Variants in PHTF2 observed in about 807,000 individuals in gnomAD.
PHTF2 encodes the protein protein PHTF2.
PHTF2 carries 60 observed loss-of-function variants against 101.2 expected under a neutral mutation model. That is an observed-to-expected ratio of 0.59 (90% confidence interval 0.48 to 0.73). PHTF2 has a LOEUF of 0.73. Among genes scored for constraint, PHTF2 ranks in the 30% least tolerant of loss-of-function variants. PHTF2 has a pLI of 0.00. For missense variants in PHTF2, 747 were observed against 908.7 expected (o/e 0.82, Z 2.29); for synonymous variants, 311 against 307.3 (o/e 1.01, Z -0.13).
chr7:77,945,701 C>CT (rs1269512458), intron 16 of PHTF2, among the ~76,000 whole-genome samples: 1 of 151,940 alleles, frequency 6.6e-6, no homozygotes, highest in Non-Finnish European at 1.5e-5. Flanking sequence ...GTATGAAGTG[C>CT]TTTATGTCAT....
rs371292138 is a variant in PHTF2, at chr7:77,938,546, T to C, written c.1467+708T>C. ...GAGATCGAGACCATCCTGGCTAACA[T>C]GGTGAAACCCCGTCTCTACTAAAAA... On this transcript the variant is annotated intron_variant, in intron 13 of 19. Transcript: ENST00000416283. Among the ~76,000 whole-genome samples, 14 of 151,760 alleles carry C rather than the reference T, an allele frequency of 9.2e-5. No individual in the cohort carries two copies. The South Asian group carries it at 1.2e-3, about 14-fold the overall frequency.
chr7:77,814,454 T>A (rs1203135046), intron 1 of PHTF2, among the ~76,000 whole-genome samples: 1 of 152,030 alleles, frequency 6.6e-6, no homozygotes, highest in African/African-American at 2.4e-5. Flanking sequence ...GTAAGACACA[T>A]TAAATCGTTC....
intron 1 of PHTF2, among the ~76,000 whole-genome samples, chr7:77,814,699 A>T (rs957359252): frequency 1.3e-5 from 2 of 151,818 alleles, no homozygotes; most frequent in African/African-American, 4.8e-5. Context: ...TTTAGTAGAG[A>T]TGGGGTATCG....
intron 7 of PHTF2, among the ~76,000 whole-genome samples, chr7:77,902,385 T>A (rs765651580): frequency 3.3e-5 from 5 of 152,202 alleles, no homozygotes; most frequent in Non-Finnish European, 5.9e-5. Context: ...CATTCTCACA[T>A]CAACCTGATG....
At chr7:77,814,746 G>A (rs754609598) in intron 1 of PHTF2, among the ~76,000 whole-genome samples, 18 of 151,854 alleles carry the variant, frequency 1.2e-4, no homozygotes, top group African/African-American at 3.1e-4. Context: ...TCCTGACCTC[G>A]TGAGCCACCG....
intron 1 of PHTF2, among the ~76,000 whole-genome samples, chr7:77,830,283 A>G (rs547096991): frequency 2.0e-3 from 302 of 152,294 alleles, no homozygotes; most frequent in Admixed American, 3.9e-3. Flanking sequence ...TACCAAACCT[A>G]TATTTGCTGT....
chr7:77,896,086 T>C (rs893468386), intron 5 of PHTF2: 10 of 152,166 alleles, frequency 6.6e-5, no homozygotes, highest in African/African-American at 2.4e-4. Flanking sequence ...TAAAACTAGA[T>C]AGTGGTAATG....
rs183221997 is a variant in PHTF2, at chr7:77,854,407, A to G, written c.46-326A>G. 1.7e-3 allele frequency among the ~76,000 whole-genome samples: 257 copies of G among 152,278 alleles called. 2 individuals carry two copies. The highest frequency in any genetic ancestry group is 0.014 in the South Asian group (68 of 4,824). On this transcript the variant is annotated intron_variant, in intron 2 of 19. Transcript: ENST00000416283. ...TGTGCAGGTTAGACCTGAAGCCAAT[A>G]TGGCACTGTGTCTTGCCCAAGGCCT...
At chr7:77,957,269 G>A in exon 20 of PHTF2, 1 of 151,758 alleles carries the variant, frequency 6.6e-6, no homozygotes, top group Non-Finnish European at 1.5e-5. Context: ...CATTTCTATG[G>A]TAATTTTGTG....
intron 12 of PHTF2, among the ~76,000 whole-genome samples, chr7:77,932,619 AGAGTGTGTGTGTGTGTGTGTGT>A (rs1218275932): frequency 1.8e-5 from 2 of 111,604 alleles, no homozygotes; most frequent in African/African-American, 8.2e-5. Flanking sequence ...AGAGAGAGAG[AGAGTGTGTGTGTGTGTGTGTGT>A]GTGTGTGTGT....
chr7:77,861,453 TCTTTC>T (rs775032295), intron 3 of PHTF2, among the ~76,000 whole-genome samples: 45 of 152,362 alleles, frequency 3.0e-4, no homozygotes, highest in Middle Eastern at 3.4e-3. Flanking sequence ...TACTTTTGAC[TCTTTC>T]CTTTAACACT....
chr7:77,803,688 CGTGTGTGTGTGTGTGT>C (rs34239792), intron 1 of PHTF2, among the ~76,000 whole-genome samples: 33 of 140,862 alleles, frequency 2.3e-4, no homozygotes, highest in Admixed American at 5.7e-4. Context: ...GTTGAACAGG[CGTGTGTGTGTGTGTGT>C]GTGTGTGTGT....
intron 9 of PHTF2, among the ~76,000 whole-genome samples, chr7:77,919,100 G>A (rs1803203556): frequency 6.6e-6 from 1 of 152,130 alleles, no homozygotes; most frequent in Non-Finnish European, 1.5e-5. Flanking sequence ...TAGTCAGAAG[G>A]TCTGTACTCT....
At chr7:77,847,253 A>C (rs1191698024) in intron 2 of PHTF2, among the ~76,000 whole-genome samples, 1 of 152,176 alleles carries the variant, frequency 6.6e-6, no homozygotes, top group Non-Finnish European at 1.5e-5. Context: ...AGTAGTAGAG[A>C]GAAAATTAAG....
In PHTF2 at chr7:77,830,140, G is replaced by T. The variant is rs544318201; in HGVS notation, c.-35-10081G>T. 1.4e-4 allele frequency among the ~76,000 whole-genome samples: 22 copies of T among 152,246 alleles called. 1 individual carries two copies. The East Asian group carries it at 4.2e-3, about 29-fold the overall frequency. On this transcript the variant is annotated intron_variant, in intron 1 of 19. Transcript: ENST00000416283. ...TGGACTGCTCTCAAAGAACGTGTGG[G>T]TGGGAGGTGGGGGCACATACAGATA...
intron 2 of PHTF2, among the ~76,000 whole-genome samples, chr7:77,848,077 A>C (rs143556802): frequency 6.6e-6 from 1 of 152,284 alleles, no homozygotes; most frequent in Admixed American, 6.5e-5. Context: ...TCCATTGTGT[A>C]TATGTACCAA....
chr7:77,866,990 A>T (rs1012485473), intron 3 of PHTF2, among the ~76,000 whole-genome samples: 1 of 152,218 alleles, frequency 6.6e-6, no homozygotes, highest in African/African-American at 2.4e-5. Flanking sequence ...AGCATTAGGT[A>T]ATAGCCAGAT....
intron 3 of PHTF2, among the ~76,000 whole-genome samples, chr7:77,890,906 T>C (rs1800343590): frequency 8.5e-6 from 1 of 118,096 alleles, no homozygotes. Flanking sequence ...CACCCGGCCT[T>C]TTTTTTTTTT....
chr7:77,845,563 C>T lies in PHTF2; in HGVS notation c.45+5263C>T, dbSNP rs562881487. On this transcript the variant is annotated intron_variant, in intron 2 of 19. Coordinates refer to ENST00000416283, the Ensembl canonical transcript of PHTF2. ...TGAGTAACATGAACTTGACTGGTAA[C>T]TGCTATCAATTGTAAATAGTTGGGA... Among the ~76,000 whole-genome samples, 16 of 152,308 alleles carry T rather than the reference C, an allele frequency of 1.1e-4. No individual in the cohort carries two copies. In the South Asian group the frequency reaches 3.3e-3, roughly 32 times the overall value.
Sources: allele counts gnomAD v4.1 joint callset (sites outside exome capture counted in the v4.1 genomes callset), GRCh38; gene constraint gnomAD v4.1.1; transcripts MANE v1.5; gene names NCBI Gene and HGNC (gene_info 2026-07-23, HGNC 2026-07-21).